Variants in STPG2 observed in about 807,000 individuals in gnomAD.
STPG2 encodes the protein sperm-tail PG-rich repeat-containing protein 2.
Under a neutral mutation model 54.2 loss-of-function variants are expected in STPG2, and 56 were observed. The ratio of observed to expected loss-of-function variants is 1.03; its 90% CI spans 0.83 to 1.29. STPG2 has a LOEUF of 1.29. STPG2 is among the 50% of genes most tolerant of loss of function. The probability of loss-of-function intolerance (pLI) is 0.00; values close to 1 mark genes in which losing one functional copy is unlikely to be tolerated. For synonymous variants in STPG2, 200 were observed against 181.8 expected (o/e 1.10, Z -0.81); for missense variants, 596 against 544.9 (o/e 1.09, Z -0.93).
chr4:97,905,349 C>T (rs1330228963), intron 8 of STPG2, among the ~76,000 whole-genome samples: 3 of 151,948 alleles, frequency 2.0e-5, no homozygotes, highest in Non-Finnish European at 4.4e-5. Flanking sequence ...TCATATCCAG[C>T]CAAACTAAGC....
chr4:97,471,242 A>C (rs903402060), intron 4 of STPG2, among the ~76,000 whole-genome samples: 1 of 152,158 alleles, frequency 6.6e-6, no homozygotes, highest in Non-Finnish European at 1.5e-5. Context: ...GTAACCACAG[A>C]CAAGGGGTGG....
chr4:97,780,925 T>A (rs1726581688), intron 9 of STPG2, among the ~76,000 whole-genome samples: 1 of 151,808 alleles, frequency 6.6e-6, no homozygotes, highest in Admixed American at 6.6e-5. Context: ...GGGACACATT[T>A]AAAGCAGTGG....
At chr4:98,112,914 C>T (rs1224252507) in intron 3 of STPG2, among the ~76,000 whole-genome samples, 2 of 151,648 alleles carry the variant, frequency 1.3e-5, no homozygotes, top group Non-Finnish European at 2.9e-5. Context: ...AGTGGCAATG[C>T]TAAATACTGG....
intron 8 of STPG2, among the ~76,000 whole-genome samples, chr4:97,854,421 C>T (rs1413462184): frequency 6.7e-6 from 1 of 149,648 alleles, no homozygotes; most frequent in Non-Finnish European, 1.5e-5. Flanking sequence ...CATAGATAAG[C>T]ACTACTTAAA....
intron 3 of STPG2, among the ~76,000 whole-genome samples, chr4:98,117,099 C>A (rs1179354137): frequency 6.6e-6 from 1 of 151,826 alleles, no homozygotes; most frequent in East Asian, 1.9e-4. Context: ...CCTGAAGACT[C>A]CATTTGGTAT....
chr4:97,667,857 G>A (rs952655259), intron 10 of STPG2, among the ~76,000 whole-genome samples: 10 of 152,164 alleles, frequency 6.6e-5, no homozygotes, highest in East Asian at 1.9e-4. Context: ...TTAATGAATC[G>A]TGCACATATG....
intron 10 of STPG2, among the ~76,000 whole-genome samples, chr4:97,618,536 G>T (rs1733928878): frequency 6.6e-6 from 1 of 152,128 alleles, no homozygotes; most frequent in South Asian, 2.1e-4. Flanking sequence ...ATATAAAATA[G>T]ATCAGAAAAT....
intron 4 of STPG2, among the ~76,000 whole-genome samples, chr4:98,106,354 A>C (rs1739189675): frequency 1.3e-5 from 2 of 152,288 alleles, no homozygotes; most frequent in Non-Finnish European, 2.9e-5. Context: ...AACCCTAAAA[A>C]AAAGTTTCCT....
At chr4:97,802,239 G>T (rs1461637928) in intron 9 of STPG2, among the ~76,000 whole-genome samples, 2 of 152,042 alleles carry the variant, frequency 1.3e-5, no homozygotes, top group Non-Finnish European at 2.9e-5. Flanking sequence ...GAATGATGTG[G>T]TTTCACCTCA....
At position 97,972,177 on chromosome 4, in the gene STPG2, C is replaced by A; in HGVS notation, c.933+103G>T. 1.3e-5 allele frequency: 10 copies of A among 748,752 alleles called. 1 individual carries two copies. Among genetic ancestry groups the A allele is most frequent in the Non-Finnish European group, 2.0e-5 (10 of 500,086 alleles). The allele number at this position is 748,752 out of a possible 1,614,324, so 46.4% of individuals were successfully genotyped here. A position where few individuals can be genotyped will look rare whatever the true frequency, so the allele number is the denominator to read the frequency against. On this transcript the variant is annotated intron_variant, in intron 7 of 10. Transcript: ENST00000295268. ...AACATATGGAACATGGTTATAATAA[C>A]TATTTGACATCCTTTTCTATTAATT...
At chr4:97,876,008 GT>G (rs1268338345) in intron 8 of STPG2, among the ~76,000 whole-genome samples, 11 of 151,950 alleles carry the variant, frequency 7.2e-5, no homozygotes. Flanking sequence ...GAAAATGAAA[GT>G]AAAAAGTTGA....
intron 8 of STPG2, among the ~76,000 whole-genome samples, chr4:97,874,377 A>G (rs1730101614): frequency 6.6e-6 from 1 of 151,744 alleles, no homozygotes; most frequent in South Asian, 2.1e-4. Context: ...TATAATTGAC[A>G]TACAGTAAAC....
chr4:97,887,749 T>G (rs1276720010), intron 8 of STPG2, among the ~76,000 whole-genome samples: 2 of 152,164 alleles, frequency 1.3e-5, no homozygotes, highest in African/African-American at 4.8e-5. Context: ...CAAGTACTAA[T>G]AGTAAAGACA....
chr4:97,856,481 G>C (rs183827164), intron 8 of STPG2, among the ~76,000 whole-genome samples: 2 of 152,166 alleles, frequency 1.3e-5, no homozygotes, highest in Non-Finnish European at 2.9e-5. Context: ...TGGTGTATAG[G>C]AATGCTGGCA....
chr4:97,948,690 ATTGT>A (rs1340471829), intron 7 of STPG2, among the ~76,000 whole-genome samples: 4 of 152,170 alleles, frequency 2.6e-5, no homozygotes, highest in East Asian at 1.9e-4. Context: ...TCAGGAACAG[ATTGT>A]TTAATTTCTA....
chr4:98,071,497 G>T (rs1004924373), intron 5 of STPG2, among the ~76,000 whole-genome samples: 9 of 152,078 alleles, frequency 5.9e-5, no homozygotes, highest in Non-Finnish European at 1.0e-4. Flanking sequence ...TCAGGACATA[G>T]GCACAGGCAA....
At chr4:97,819,116 T>C (rs1171976072) in intron 9 of STPG2, among the ~76,000 whole-genome samples, 1 of 151,786 alleles carries the variant, frequency 6.6e-6, no homozygotes, top group Non-Finnish European at 1.5e-5. Flanking sequence ...TCCCCAAAAC[T>C]GATCTGACCA....
intron 6 of STPG2, among the ~76,000 whole-genome samples, chr4:97,980,291 A>T (rs1734631131): frequency 6.6e-6 from 1 of 152,158 alleles, no homozygotes; most frequent in African/African-American, 2.4e-5. Context: ...GAACAATGTA[A>T]ATATTTTTGT....
intron 7 of STPG2, among the ~76,000 whole-genome samples, chr4:97,953,289 C>T (rs760895176): frequency 2.6e-5 from 4 of 152,172 alleles, no homozygotes; most frequent in Non-Finnish European, 5.9e-5. Context: ...CAGTAAACCC[C>T]GTCCAGCTCC....
Sources: allele counts gnomAD v4.1 joint callset (sites outside exome capture counted in the v4.1 genomes callset), GRCh38; gene constraint gnomAD v4.1.1; transcripts MANE v1.5; gene names NCBI Gene and HGNC (gene_info 2026-07-23, HGNC 2026-07-21).